Variants in MEP1A observed in about 807,000 individuals in gnomAD.
The protein encoded by MEP1A is N-benzoyl-L-tyrosyl-P-amino-benzoic acid hydrolase subunit alpha.
A neutral mutation model predicts 84.5 loss-of-function variants in MEP1A; 68 were observed. That is an observed-to-expected ratio of 0.80 (90% CI 0.66 to 0.98). The LOEUF (loss-of-function observed/expected upper bound fraction) is 0.98, where lower values mean the gene tolerates loss of function less well. Ranked by LOEUF, MEP1A falls within the 50% of genes least tolerant of loss-of-function variation. MEP1A has a pLI of 0.00. For missense variants in MEP1A, 887 were observed against 919.9 expected (o/e 0.96, Z 0.46); for synonymous variants, 337 against 336.8 (o/e 1.00, Z -0.01).
At chr6:46,811,413 G>A (rs1467592680) in intron 6 of MEP1A, among the ~76,000 whole-genome samples, 1 of 151,916 alleles carries the variant, frequency 6.6e-6, no homozygotes, top group Non-Finnish European at 1.5e-5. Context: ...CATATCATCA[G>A]CAAACAGTGA....
chr6:46,820,798 G>A (rs911681480), intron 7 of MEP1A, among the ~76,000 whole-genome samples: 4 of 152,046 alleles, frequency 2.6e-5, no homozygotes, highest in African/African-American at 7.2e-5. Context: ...AGTCAATGCT[G>A]TGTTTCTGAA....
intron 3 of MEP1A, among the ~76,000 whole-genome samples, chr6:46,794,468 G>A (rs1319995794): frequency 1.3e-5 from 2 of 152,186 alleles, no homozygotes; most frequent in Non-Finnish European, 2.9e-5. Flanking sequence ...CTTCTCATGG[G>A]TAGAGTGACT....
At chr6:46,798,700 G>C in intron 4 of MEP1A, 54 bp downstream of exon 4, 1 of 1,472,716 alleles carries the variant, frequency 6.8e-7, no homozygotes, top group Non-Finnish European at 9.5e-7. Flanking sequence ...GTACCACTGG[G>C]TGTGAGTCTC....
intron 5 of MEP1A, among the ~76,000 whole-genome samples, chr6:46,802,204 T>C (rs546919330): frequency 1.3e-5 from 2 of 152,074 alleles, no homozygotes; most frequent in Admixed American, 1.3e-4. Context: ...AGTCCTATAA[T>C]CCATAAACAT....
chr6:46,807,832 A>AAAGG (rs1562107153), intron 5 of MEP1A, among the ~76,000 whole-genome samples: 4 of 129,016 alleles, frequency 3.1e-5, no homozygotes, highest in African/African-American at 8.1e-5. Context: ...AGAAAGAAAG[A>AAAGG]AAGAAAGGAA....
At chr6:46,838,923 A>G in intron 13 of MEP1A, 57 bp from the exon 14 acceptor site, 4 of 1,479,322 alleles carry the variant, frequency 2.7e-6, no homozygotes, top group Non-Finnish European at 3.7e-6. Context: ...GAGTGTTGCT[A>G]GGAGGCACCT....
At chr6:46,794,423 G>A (rs1478441770) in intron 3 of MEP1A, among the ~76,000 whole-genome samples, 1 of 152,230 alleles carries the variant, frequency 6.6e-6, no homozygotes, top group Non-Finnish European at 1.5e-5. Context: ...CGTGGAGTAA[G>A]TGCTGTTTTC....
intron 6 of MEP1A, among the ~76,000 whole-genome samples, chr6:46,815,353 G>A (rs1767610256): frequency 6.6e-6 from 1 of 152,132 alleles, no homozygotes; most frequent in African/African-American, 2.4e-5. Flanking sequence ...AGTCATACAG[G>A]TTGCCAAGGA....
chr6:46,845,948 A>G, the MEP1A span, among the ~76,000 whole-genome samples: 1 of 152,360 alleles, frequency 6.6e-6, no homozygotes, highest in Admixed American at 6.5e-5. Context: ...AAATAATGAA[A>G]TTAGTTTGAA....
chr6:46,803,905 G>T (rs370727859), intron 5 of MEP1A, among the ~76,000 whole-genome samples: 1 of 151,514 alleles, frequency 6.6e-6, no homozygotes, highest in African/African-American at 2.4e-5. Flanking sequence ...TGTCCTTAGC[G>T]TTAATATTAT....
At chr6:46,801,199 A>G (rs893324460) in intron 5 of MEP1A, among the ~76,000 whole-genome samples, 1 of 152,168 alleles carries the variant, frequency 6.6e-6, no homozygotes, top group Non-Finnish European at 1.5e-5. Flanking sequence ...AACGCCAAAC[A>G]GTTTTCCAAA....
At chr6:46,826,641 A>G (rs1767955015) in intron 9 of MEP1A, 138 bp downstream of exon 9, 2 of 697,344 alleles carry the variant, frequency 2.9e-6, no homozygotes, top group Admixed American at 3.9e-5. Flanking sequence ...AACATTTCTT[A>G]TATCTTCATT....
chr6:46,823,595 G>A (rs1480970401), intron 7 of MEP1A, among the ~76,000 whole-genome samples: 1 of 152,184 alleles, frequency 6.6e-6, no homozygotes, highest in Non-Finnish European at 1.5e-5. Flanking sequence ...CTGGGCAACA[G>A]AGCAAAAACT....
chr6:46,798,509 A>C, intron 3 of MEP1A, 97 bp from the exon 4 acceptor site: 2 of 1,062,206 alleles, frequency 1.9e-6, no homozygotes, highest in Non-Finnish European at 2.8e-6. Context: ...ATTAATATTC[A>C]AAGATTTATA....
intron 5 of MEP1A, among the ~76,000 whole-genome samples, chr6:46,800,814 T>A (rs777339780): frequency 1.3e-5 from 2 of 152,154 alleles, no homozygotes; most frequent in Non-Finnish European, 2.9e-5. Context: ...CCATCCCCAC[T>A]CCTTAAGAGA....
intron 6 of MEP1A, among the ~76,000 whole-genome samples, chr6:46,810,546 C>T (rs1418781813): frequency 6.6e-6 from 1 of 152,086 alleles, no homozygotes; most frequent in African/African-American, 2.4e-5. Context: ...TTGCCTACGC[C>T]AATGTCTAGA....
Position 46,833,167 on chromosome 6 carries a change from A to G in MEP1A, c.1238A>G (p.Gln413Arg). ...YLFQGTKGDP[Q>R]NSTGGIYLDD... ...TTCCAGGGCACAAAAGGCGACCCTC[A>G]GAACTCAACTGGGGGAATTTACCTA... The change falls in exon 11 of 14, where the codon CAG becomes CGG. Residue 413 changes from glutamine to arginine, a missense_variant. By Grantham distance (43) the Gln-to-Arg change is conservative. Transcript: ENST00000230588. The G allele has an allele frequency of 6.2e-7, 1 of 1,602,966 alleles. No individual in the cohort carries two copies.
intron 5 of MEP1A, among the ~76,000 whole-genome samples, chr6:46,806,642 G>A (rs1767332557): frequency 6.6e-6 from 1 of 151,990 alleles, no homozygotes; most frequent in African/African-American, 2.4e-5. Context: ...TCCCATTTAT[G>A]CAAAGTTCAT....
intron 5 of MEP1A, among the ~76,000 whole-genome samples, chr6:46,800,972 T>C (rs931027213): frequency 5.3e-5 from 8 of 152,220 alleles, no homozygotes; most frequent in African/African-American, 1.7e-4. Flanking sequence ...TTCTTCCATA[T>C]TGTTGTAGAT....
Sources: gnomAD v4.1 joint callset for allele counts (sites outside exome capture counted in the v4.1 genomes callset) on GRCh38, gnomAD v4.1.1 for gene constraint, MANE v1.5 for transcripts, NCBI Gene and HGNC (gene_info 2026-07-23, HGNC 2026-07-21) for gene names.